Variants in KSR1 observed in about 807,000 individuals in gnomAD.
KSR1 encodes the protein kinase suppressor of ras.
Under a neutral mutation model 92.9 loss-of-function variants are expected in KSR1, and 35 were observed. The ratio of observed to expected loss-of-function variants is 0.38; its 90% CI spans 0.29 to 0.50. The LOEUF (loss-of-function observed/expected upper bound fraction) is 0.50. Among genes scored for constraint, KSR1 ranks in the 20% least tolerant of loss-of-function variants. KSR1 has a pLI of 0.94. For synonymous variants in KSR1, 467 were observed against 472.6 expected (o/e 0.99, Z 0.15); for missense variants, 972 against 1,158.5 (o/e 0.84, Z 2.34).
chr17:27,581,472 A>C (rs1350145423), intron 3 of KSR1, among the ~76,000 whole-genome samples: 1 of 151,934 alleles, frequency 6.6e-6, no homozygotes, highest in Admixed American at 6.6e-5. Flanking sequence ...CTTCGTAGTG[A>C]CCAGAAGGTG....
chr17:27,579,877 C>CAA (rs2072670290), intron 3 of KSR1: 1 of 1,602 alleles, frequency 6.2e-4, no homozygotes, highest in African/African-American at 1.3e-3. Context: ...TGCTGTCTCA[C>CAA]CAAAAAAAAA....
intron 1 of KSR1, among the ~76,000 whole-genome samples, chr17:27,532,570 C>T (rs2070583167): frequency 6.6e-6 from 1 of 152,192 alleles, no homozygotes; most frequent in Admixed American, 6.5e-5. Flanking sequence ...CACAGAGAGC[C>T]CTTGCAACTG....
intron 1 of KSR1, among the ~76,000 whole-genome samples, chr17:27,501,205 T>C (rs899535528): frequency 1.3e-5 from 2 of 151,610 alleles, no homozygotes; most frequent in African/African-American, 4.8e-5. Context: ...TGCTTTAGAG[T>C]CAGGACCTTG....
intron 2 of KSR1, among the ~76,000 whole-genome samples, chr17:27,568,881 C>T (rs1464560): frequency 0.14 from 21,049 of 152,148 alleles, 1,623 homozygotes; most frequent in Admixed American, 0.23. Context: ...GGCCTCTGAT[C>T]CCAGGCCCTC....
At position 27,459,961 on chromosome 17, in the gene KSR1, C is replaced by T. The variant is rs2019351847; in HGVS notation, c.231+3087C>T. 1.3e-5 allele frequency among the ~76,000 whole-genome samples: 2 copies of T among 152,336 alleles called. No individual in the cohort carries two copies. The highest frequency in any genetic ancestry group is 2.1e-4 in the South Asian group (1 of 4,832). ...AGCAGCGTGCCTGACTCTTCTCAAA[C>T]TCACACACGTTCCTGGAGATCAGCA... is the stretch of plus-strand genomic sequence containing the variant. On this transcript the variant is annotated intron_variant, in intron 1 of 20. Transcript: ENST00000644974. The surrounding 1 kb of genome is among the most constrained non-coding windows in gnomAD (Gnocchi z 4.6).
chr17:27,567,926 A>G (rs1016341393), intron 2 of KSR1, among the ~76,000 whole-genome samples: 1 of 152,048 alleles, frequency 6.6e-6, no homozygotes, highest in Non-Finnish European at 1.5e-5. Context: ...CCTGCCTTTG[A>G]TCTCGGCAGA....
At position 27,603,772 on chromosome 17, in the gene KSR1, G is replaced by A. The variant is rs746323733; in HGVS notation, c.1511-62G>A. The A allele has an allele frequency of 3.3e-5, 51 of 1,553,970 alleles. No homozygotes were observed. In the African/African-American group the frequency reaches 4.7e-4, roughly 14 times the overall value. On this transcript the variant is annotated intron_variant, in intron 11 of 20. Coordinates refer to ENST00000644974, the MANE Select transcript of KSR1 (RefSeq NM_001394583.1). ...TCTGGGGGTGCTGGGTTTCAAGCAC[G>A]GTGTCTCTTTGGGGAGAGGAAAGCA...
intron 1 of KSR1, among the ~76,000 whole-genome samples, chr17:27,470,945 A>G (rs2019966987): frequency 1.3e-5 from 2 of 151,838 alleles, no homozygotes; most frequent in Admixed American, 1.3e-4. Context: ...ATCTTGGGTC[A>G]CTGCAACCTC....
intron 1 of KSR1, among the ~76,000 whole-genome samples, chr17:27,462,142 C>T (rs1439463318): frequency 6.6e-6 from 1 of 152,214 alleles, no homozygotes; most frequent in Non-Finnish European, 1.5e-5. Flanking sequence ...ATGTTGAGCA[C>T]TCCACTAGGC....
At chr17:27,572,828 T>C (rs1012990652) in intron 2 of KSR1, among the ~76,000 whole-genome samples, 1 of 152,170 alleles carries the variant, frequency 6.6e-6, no homozygotes, top group Non-Finnish European at 1.5e-5. Flanking sequence ...CTGAGTTGCT[T>C]TGGGGCACTG....
chr17:27,553,249 C>G (rs1488872964), intron 2 of KSR1, among the ~76,000 whole-genome samples: 1 of 152,206 alleles, frequency 6.6e-6, no homozygotes, highest in Non-Finnish European at 1.5e-5. Flanking sequence ...CCACCTCTCT[C>G]TTACCCTCAG....
At chr17:27,535,857 T>C (rs894864421) in intron 1 of KSR1, among the ~76,000 whole-genome samples, 2 of 152,310 alleles carry the variant, frequency 1.3e-5, no homozygotes, top group African/African-American at 4.8e-5. Context: ...CATGGGCCCT[T>C]AGCTGGTAGG....
At chr17:27,567,137 G>C (rs2072107539) in intron 2 of KSR1, among the ~76,000 whole-genome samples, 1 of 152,132 alleles carries the variant, frequency 6.6e-6, no homozygotes, top group Non-Finnish European at 1.5e-5. Flanking sequence ...AATACCAATA[G>C]TTGTTATTTT....
intron 1 of KSR1, among the ~76,000 whole-genome samples, chr17:27,470,656 G>A (rs898552919): frequency 3.9e-5 from 6 of 152,238 alleles, no homozygotes; most frequent in African/African-American, 9.6e-5. Context: ...GAGTACAGGC[G>A]TGAGCCACCA....
At chr17:27,457,109 C>T (rs1057279716) in intron 1 of KSR1, among the ~76,000 whole-genome samples, 12 of 151,750 alleles carry the variant, frequency 7.9e-5, no homozygotes, top group South Asian at 2.1e-4. Flanking sequence ...TCGAGGGGCC[C>T]GTGCGGGGTG....
At chr17:27,462,906 A>G (rs1385080473) in intron 1 of KSR1, among the ~76,000 whole-genome samples, 1 of 152,226 alleles carries the variant, frequency 6.6e-6, no homozygotes, top group East Asian at 1.9e-4. Flanking sequence ...CTGTATCAGC[A>G]CATATACATA....
At chr17:27,604,504 G>A (rs1437600018) in intron 12 of KSR1, among the ~76,000 whole-genome samples, 176 bp from the exon 13 acceptor site, 2 of 152,178 alleles carry the variant, frequency 1.3e-5, no homozygotes, top group Admixed American at 6.5e-5. Flanking sequence ...CTGCACAAGG[G>A]GCAGGTCTGG....
chr17:27,572,091 TCTC>T (rs1370572014), intron 2 of KSR1, among the ~76,000 whole-genome samples: 2 of 152,314 alleles, frequency 1.3e-5, no homozygotes, highest in East Asian at 3.9e-4. Flanking sequence ...AGACCAGCAG[TCTC>T]CTGCTAATGA....
At position 27,625,804 on chromosome 17, in the gene KSR1, T is replaced by C. The variant is rs2074328331; in HGVS notation, c.*2412T>C. On this transcript the variant is annotated 3_prime_UTR_variant, in exon 21 of 21. Coordinates refer to ENST00000644974, the MANE Select transcript of KSR1 (RefSeq NM_001394583.1). ...GGAGAGCTCTTAGGGGCTGCGGAAG[T>C]CCCCACGGGGGTCTGAGAGTGGAGC... 1 of 152,158 alleles carries C rather than the reference T, an allele frequency of 6.6e-6. No individual in the cohort carries two copies. The highest frequency in any genetic ancestry group is 2.4e-5 in the African/African-American group (1 of 41,412). The allele number at this position is 152,158 out of a possible 1,614,324, so 9.4% of individuals were successfully genotyped here. A position where few individuals can be genotyped will look rare whatever the true frequency, so the allele number is the denominator to read the frequency against.
Sources: allele counts gnomAD v4.1 joint callset (sites outside exome capture counted in the v4.1 genomes callset), GRCh38; gene constraint gnomAD v4.1.1; non-coding constraint Gnocchi (gnomAD v3.1); transcripts MANE v1.5; gene names NCBI Gene and HGNC (gene_info 2026-07-23, HGNC 2026-07-21).